The following SUGCT variants were observed in gnomAD, a reference collection of about 807,000 sequenced individuals.
The protein encoded by SUGCT is succinyl-CoA:glutarate-CoA transferase, also known as succinyl-CoA:glutarate CoA-transferase.
Under a neutral mutation model 55.0 loss-of-function variants are expected in SUGCT, and 41 were observed. The observed-to-expected ratio is 0.74, with a 90% CI of 0.58 to 0.97. The LOEUF (loss-of-function observed/expected upper bound fraction) is 0.97. Among genes scored for constraint, SUGCT ranks in the 50% least tolerant of loss-of-function variants. SUGCT has a pLI of 0.00. For missense variants in SUGCT, 568 were observed against 547.8 expected, an observed-to-expected ratio of 1.04 and a Z score of -0.37; for synonymous variants, 187 against 200.4, an observed-to-expected ratio of 0.93 and a Z score of 0.56.
intron 13 of SUGCT, among the ~76,000 whole-genome samples, chr7:40,811,254 T>C (rs2128757762): frequency 6.6e-6 from 1 of 152,282 alleles, no homozygotes; most frequent in Middle Eastern, 3.4e-3. Flanking sequence ...TGGGCTCTTT[T>C]TTGGTTCCAT....
Position 40,411,825 on chromosome 7 carries a change from A to T in SUGCT, c.817-37462A>T, listed in dbSNP as rs148059888. The stretch of plus-strand genomic sequence containing the variant: ...CATATTTAAGGTGGTGGATATCCCA[A>T]TTGCCCTGATTTGATCTTTATACAT... On this transcript the variant is annotated intron_variant, in intron 9 of 13. Transcript: ENST00000335693. 2.5e-4 allele frequency among the ~76,000 whole-genome samples: 38 copies of T among 152,318 alleles called. No individual in the cohort carries two copies. In the South Asian group the frequency reaches 7.1e-3, roughly 28 times the overall value.
intron 10 of SUGCT, among the ~76,000 whole-genome samples, chr7:40,457,527 T>C (rs960073685): frequency 6.6e-6 from 1 of 152,202 alleles, no homozygotes; most frequent in East Asian, 1.9e-4. Flanking sequence ...AGCATTTTCA[T>C]GTACATTGTT....
At chr7:40,274,073 CTTTTTTTTTT>C (rs386409972) in intron 7 of SUGCT, among the ~76,000 whole-genome samples, 9 of 68,002 alleles carry the variant, frequency 1.3e-4, no homozygotes, top group East Asian at 5.4e-4. Context: ...TTTTTACCTT[CTTTTTTTTTT>C]TTTTTTTTTT....
the SUGCT span, among the ~76,000 whole-genome samples, chr7:40,953,849 T>C: frequency 1.3e-5 from 2 of 152,210 alleles, no homozygotes; most frequent in African/African-American, 4.8e-5. Context: ...ACGTGAAGTA[T>C]CAGTCTGCCC....
chr7:40,391,597 C>T (rs1041172340), intron 9 of SUGCT, among the ~76,000 whole-genome samples: 23 of 30,832 alleles, frequency 7.5e-4, no homozygotes, highest in African/African-American at 2.8e-3. Flanking sequence ...CCATCTCACA[C>T]CAGTTCGAAT....
chr7:40,819,713 G>A (rs1166954912), intron 13 of SUGCT, among the ~76,000 whole-genome samples: 1 of 152,146 alleles, frequency 6.6e-6, no homozygotes, highest in African/African-American at 2.4e-5. Flanking sequence ...TAGGTTGCCT[G>A]TTCACTCTGA....
rs76805194 is a variant in SUGCT, at chr7:40,621,344, T to G, written c.1089+124958T>G. 6.0e-4 allele frequency among the ~76,000 whole-genome samples: 92 copies of G among 152,244 alleles called. 1 individual carries two copies. In the East Asian group the frequency reaches 0.016, roughly 26 times the overall value. The stretch of plus-strand genomic sequence containing the variant: ...TTGGTTTCTCCTGTCTTTCTCCTTG[T>G]AATGATCAGTGATGGAAATCAGCCA... On this transcript the variant is annotated intron_variant, in intron 12 of 13. Coordinates refer to ENST00000335693, the MANE Select transcript of SUGCT (RefSeq NM_001193313.2).
At chr7:40,251,299 T>C (rs571517952) in intron 7 of SUGCT, among the ~76,000 whole-genome samples, 13 of 152,380 alleles carry the variant, frequency 8.5e-5, no homozygotes, top group African/African-American at 3.1e-4. Context: ...CACCTTTATA[T>C]GTAAATACTT....
At chr7:40,790,514 A>G (rs7801192) in intron 13 of SUGCT, among the ~76,000 whole-genome samples, 1 of 152,036 alleles carries the variant, frequency 6.6e-6, no homozygotes, top group Non-Finnish European at 1.5e-5. Context: ...CAGAGGAGAG[A>G]TTTCTTAAAA....
chr7:40,863,069 T>C (rs1400023641), downstream of SUGCT, among the ~76,000 whole-genome samples: 1 of 152,032 alleles, frequency 6.6e-6, no homozygotes, highest in Non-Finnish European at 1.5e-5. Flanking sequence ...TGAAACCCCG[T>C]CTCTACTAAA....
At chr7:40,704,687 G>A (rs999330660) in intron 12 of SUGCT, among the ~76,000 whole-genome samples, 1 of 152,162 alleles carries the variant, frequency 6.6e-6, no homozygotes, top group East Asian at 1.9e-4. Context: ...TGTCGTTTTT[G>A]TATTGAATTA....
intron 1 of SUGCT, among the ~76,000 whole-genome samples, chr7:40,158,635 A>G (rs1349544695): frequency 6.6e-6 from 1 of 152,140 alleles, no homozygotes; most frequent in Non-Finnish European, 1.5e-5. Flanking sequence ...CTGTAGGCCG[A>G]ACTACTCGGG....
At chr7:40,931,669 G>A in the SUGCT span, among the ~76,000 whole-genome samples, 1 of 152,214 alleles carries the variant, frequency 6.6e-6, no homozygotes, top group African/African-American at 2.4e-5. Context: ...ACATGTCCAG[G>A]AATTTATCCA....
At chr7:40,214,516 C>T (rs898762163) in intron 6 of SUGCT, among the ~76,000 whole-genome samples, 1 of 152,086 alleles carries the variant, frequency 6.6e-6, no homozygotes, top group Admixed American at 6.6e-5. Flanking sequence ...GGTTGTGATT[C>T]GCACCTCTTT....
chr7:40,264,646 A>G (rs186844643), intron 7 of SUGCT, among the ~76,000 whole-genome samples: 13 of 152,330 alleles, frequency 8.5e-5, no homozygotes, highest in Admixed American at 5.2e-4. Context: ...AAGTCATGAG[A>G]ATAGTGGTTT....
intron 8 of SUGCT, among the ~76,000 whole-genome samples, chr7:40,276,936 C>G (rs1792534359): frequency 6.6e-6 from 1 of 152,008 alleles, no homozygotes; most frequent in Non-Finnish European, 1.5e-5. Flanking sequence ...AATTCCCAGC[C>G]CAGCCTTTGT....
chr7:40,905,107 A>G, the SUGCT span, among the ~76,000 whole-genome samples: 1 of 152,210 alleles, frequency 6.6e-6, no homozygotes. Flanking sequence ...CTGTGATGGA[A>G]TCACTCATAG....
chr7:40,408,743 A>G lies in SUGCT; in HGVS notation c.817-40544A>G, dbSNP rs539720391. Among the ~76,000 whole-genome samples the G allele has an allele frequency of 3.3e-5, 5 of 152,312 alleles. No homozygotes were observed. The South Asian group carries it at 8.3e-4, about 25-fold the overall frequency. ...ATTTGGAGAGCTCAGGAAAATACCA[A>G]AATGACAGGGAAACACAAAACAAAC... is the stretch of plus-strand genomic sequence containing the variant. On this transcript the variant is annotated intron_variant, in intron 9 of 13. Transcript: ENST00000335693.
At chr7:40,469,432 G>A (rs1790291956) in intron 11 of SUGCT, among the ~76,000 whole-genome samples, 1 of 152,178 alleles carries the variant, frequency 6.6e-6, no homozygotes, top group Non-Finnish European at 1.5e-5. Flanking sequence ...CTTGTAAAAT[G>A]TCTATATTTT....
Sources: gnomAD v4.1 joint callset for allele counts (sites outside exome capture counted in the v4.1 genomes callset) on GRCh38, gnomAD v4.1.1 for gene constraint, MANE v1.5 for transcripts, NCBI Gene and HGNC (gene_info 2026-07-23, HGNC 2026-07-21) for gene names.